The following PRICKLE2 variants were observed in gnomAD, a reference collection of about 807,000 sequenced individuals.
The protein encoded by PRICKLE2 is prickle planar cell polarity protein 2.
PRICKLE2 carries 21 observed loss-of-function variants against 81.4 expected under a neutral mutation model. That is an observed-to-expected ratio of 0.26 (90% CI 0.18 to 0.37). PRICKLE2 has a LOEUF of 0.37. Among genes scored for constraint, PRICKLE2 ranks in the 10% least tolerant of loss-of-function variants. The probability of loss-of-function intolerance (pLI) is 1.00; values close to 1 mark genes in which losing one functional copy is unlikely to be tolerated. For missense variants in PRICKLE2, 940 were observed against 1,109.0 expected (o/e 0.85, Z 2.16); for synonymous variants, 456 against 421.5 (o/e 1.08, Z -1.00).
At chr3:64,130,165 T>C (rs1559527200) in intron 7 of PRICKLE2, among the ~76,000 whole-genome samples, 1 of 152,222 alleles carries the variant, frequency 6.6e-6, no homozygotes, top group East Asian at 1.9e-4. Flanking sequence ...ATGTTTACTG[T>C]AGTTCACTTG....
At chr3:64,130,702 C>G (rs901964182) in intron 7 of PRICKLE2, among the ~76,000 whole-genome samples, 2 of 152,164 alleles carry the variant, frequency 1.3e-5, no homozygotes, top group Admixed American at 1.3e-4. Context: ...GGTCTTAACA[C>G]TATGGTTCTC....
rs151329430 is a variant in PRICKLE2 at position 64,207,873 on chromosome 3, A to G, written c.-40-8906T>C. Among the ~76,000 whole-genome samples the G allele has an allele frequency of 2.1e-3, 324 of 152,318 alleles. 3 individuals carry two copies. Among genetic ancestry groups the G allele is most frequent in the Admixed American group, 3.1e-3 (48 of 15,298 alleles). ...TTGTACGCTAGTCATATAACCTCCA[A>G]TGCTGCGATAACTTACATCACTTCA... On this transcript the variant is annotated intron_variant, in intron 1 of 7. Transcript: ENST00000638394.
At chr3:64,224,511 G>C (rs1161321913) in intron 1 of PRICKLE2, among the ~76,000 whole-genome samples, 4 of 152,192 alleles carry the variant, frequency 2.6e-5, no homozygotes, top group Non-Finnish European at 4.4e-5. Flanking sequence ...CTGAGTCCTT[G>C]TTCCTCAGAT....
intron 2 of PRICKLE2, among the ~76,000 whole-genome samples, chr3:64,263,110 G>A (rs2079641210): frequency 6.6e-6 from 1 of 152,186 alleles, no homozygotes. Context: ...TATGTTCCAC[G>A]CACACATGGC....
chr3:64,127,336 C>T (rs1383408619), intron 7 of PRICKLE2, among the ~76,000 whole-genome samples: 1 of 152,186 alleles, frequency 6.6e-6, no homozygotes, highest in Admixed American at 6.5e-5. Context: ...TTACTACCAC[C>T]TTTGTCCACG....
intron 4 of PRICKLE2, 90 bp downstream of exon 4, chr3:64,159,850 G>A (rs918964636): frequency 1.3e-6 from 2 of 1,525,526 alleles, no homozygotes; most frequent in Non-Finnish European, 1.8e-6. Context: ...CAGGCACATA[G>A]TAGGCACTCA....
chr3:64,195,213 T>C (rs181354767), intron 2 of PRICKLE2, among the ~76,000 whole-genome samples: 284 of 152,308 alleles, frequency 1.9e-3, no homozygotes, highest in African/African-American at 6.6e-3. Flanking sequence ...GATCACAAGA[T>C]AAATGCCTTT....
intron 1 of PRICKLE2, 96 bp downstream of exon 1, chr3:64,224,814 C>G: frequency 7.2e-6 from 5 of 698,128 alleles, no homozygotes; most frequent in Non-Finnish European, 8.8e-6. Context: ...ACCCAATATC[C>G]TCCCCCAGTG....
At position 64,097,930 on chromosome 3, in the gene PRICKLE2, G is replaced by A. The variant is rs185820651; in HGVS notation, c.*1121C>T. ...CTCCAGGCATGACATGTCACACACC[G>A]TCCCTCGCAGAGCCCCCTCAGAATC... On this transcript the variant is annotated 3_prime_UTR_variant, in exon 8 of 8. Coordinates refer to ENST00000638394, the MANE Select transcript of PRICKLE2 (RefSeq NM_198859.4). 6.8e-4 allele frequency: 104 copies of A among 152,696 alleles called. No individual in the cohort carries two copies. The highest frequency in any genetic ancestry group is 1.0e-3 in the African/African-American group (42 of 41,512). The allele number at this position is 152,696 out of a possible 1,614,324, so 9.5% of individuals were successfully genotyped here.
rs183068210 is a variant in PRICKLE2, at chr3:64,174,192, C to T, written c.145-11063G>A. Among the ~76,000 whole-genome samples, 314 of 152,212 alleles carry T rather than the reference C, an allele frequency of 2.1e-3. 3 individuals are homozygous for T. The highest frequency in any genetic ancestry group is 8.4e-4 in the Non-Finnish European group (57 of 68,030). On this transcript the variant is annotated intron_variant, in intron 2 of 7. Coordinates refer to ENST00000638394, the MANE Select transcript of PRICKLE2 (RefSeq NM_198859.4). Reference sequence around the variant, plus strand: ...CAGTATCAACTGAGTTAATATTTACCTACAGTATAGGAGAAAGAAACTGCA... The same window carrying T: ...CAGTATCAACTGAGTTAATATTTACTTACAGTATAGGAGAAAGAAACTGCA...
chr3:64,189,372 G>C (rs1353782081), intron 2 of PRICKLE2, among the ~76,000 whole-genome samples: 1 of 152,156 alleles, frequency 6.6e-6, no homozygotes, highest in African/African-American at 2.4e-5. Flanking sequence ...AAGAATGAAA[G>C]AGACTGTGTG....
intron 3 of PRICKLE2, 85 bp downstream of exon 3, chr3:64,162,931 C>G (rs1490514988): frequency 1.1e-6 from 1 of 896,108 alleles, no homozygotes; most frequent in Non-Finnish European, 1.9e-6. Flanking sequence ...TCTTCGGCTA[C>G]CTCATTGGTG....
chr3:64,266,142 T>C (rs1417741926), intron 2 of PRICKLE2, among the ~76,000 whole-genome samples: 1 of 150,764 alleles, frequency 6.6e-6, no homozygotes, highest in Non-Finnish European at 1.5e-5. Flanking sequence ...AATACTCAAA[T>C]CTCCTGGTAA....
intron 7 of PRICKLE2, among the ~76,000 whole-genome samples, chr3:64,107,690 A>C (rs531320480): frequency 3.7e-4 from 57 of 152,242 alleles, no homozygotes; most frequent in African/African-American, 1.2e-3. Context: ...AAAACAAAAA[A>C]CAGAAAATTA....
intron 2 of PRICKLE2, among the ~76,000 whole-genome samples, chr3:64,246,674 G>A (rs560972733): frequency 1.3e-5 from 2 of 152,286 alleles, no homozygotes; most frequent in African/African-American, 2.4e-5. Flanking sequence ...CGACTTTCCA[G>A]GTGCTGGTAA....
chr3:64,132,500 T>C (rs2077211047), intron 7 of PRICKLE2, among the ~76,000 whole-genome samples: 1 of 152,250 alleles, frequency 6.6e-6, no homozygotes, highest in Non-Finnish European at 1.5e-5. Context: ...TGCCATCTGC[T>C]TCCTGCTGGG....
chr3:64,198,639 G>A lies in PRICKLE2; in HGVS notation c.144+145C>T, dbSNP rs1575655360. On this transcript the variant is annotated intron_variant, in intron 2 of 7. Coordinates refer to ENST00000638394, the MANE Select transcript of PRICKLE2 (RefSeq NM_198859.4). ...ATTTCCCTTCCTCATTTTCCACTGG[G>A]GCCCCTGGCATCTTCAACATATTTA... is the stretch of plus-strand genomic sequence containing the variant. The A allele has an allele frequency of 5.9e-6, 5 of 844,908 alleles. No homozygotes were observed. The Admixed American group carries it at 9.3e-5, about 16-fold the overall frequency. 52.3% of individuals were successfully genotyped at this position (844,908 alleles called of 1,614,324 possible).
chr3:64,251,016 C>T (rs761335951), intron 2 of PRICKLE2, among the ~76,000 whole-genome samples: 4 of 152,178 alleles, frequency 2.6e-5, no homozygotes, highest in Non-Finnish European at 5.9e-5. Flanking sequence ...TTTTGTCTAT[C>T]TTCACCCATT....
At chr3:64,232,355 A>C (rs2079117732) in intron 2 of PRICKLE2, among the ~76,000 whole-genome samples, 1 of 152,216 alleles carries the variant, frequency 6.6e-6, no homozygotes, top group Non-Finnish European at 1.5e-5. Flanking sequence ...AAGCTTGACA[A>C]TGCTTCTTCT....
Sources: gnomAD v4.1 joint callset for allele counts (sites outside exome capture counted in the v4.1 genomes callset) on GRCh38, gnomAD v4.1.1 for gene constraint, MANE v1.5 for transcripts, NCBI Gene and HGNC (gene_info 2026-07-23, HGNC 2026-07-21) for gene names.